TOP2B: variants seen among roughly 807,000 people sequenced by gnomAD.
The protein encoded by TOP2B is DNA topoisomerase 2-beta.
TOP2B carries 51 observed loss-of-function variants against 193.5 expected under a neutral mutation model. The ratio of observed to expected loss-of-function variants is 0.26; its 90% confidence interval spans 0.21 to 0.33. The LOEUF is 0.33. TOP2B is among the 10% of genes least tolerant of loss of function. The pLI, the probability that TOP2B is intolerant of heterozygous loss-of-function variation, is 1.00. For missense variants in TOP2B, 1,378 were observed against 1,909.3 expected (o/e 0.72, Z 5.19); for synonymous variants, 634 against 635.7 (o/e 1.00, Z 0.04).
intron 30 of TOP2B, among the ~76,000 whole-genome samples, chr3:25,608,079 C>T (rs1277175215): frequency 1.3e-5 from 2 of 152,176 alleles, no homozygotes; most frequent in African/African-American, 2.4e-5. Flanking sequence ...GCCACTGTAC[C>T]GACACCTAAA....
chr3:25,630,917 T>G lies in TOP2B; in HGVS notation c.1289A>C (p.Glu430Ala). 1 of 1,595,098 alleles carries G rather than the reference T, an allele frequency of 6.3e-7. No individual in the cohort carries two copies. Among genetic ancestry groups the G allele is most frequent in the Non-Finnish European group, 8.5e-7 (1 of 1,173,162 alleles). Reference sequence around the variant, plus strand: ...AAATTTCACCCAGTTCAGGATACTTTCTACAATGCCACAATTAGAGGCCTA... The same window carrying G: ...AAATTTCACCCAGTTCAGGATACTTGCTACAATGCCACAATTAGAGGCCTA... The part of the protein sequence containing the change: ...FKAASNCGIV[E>A]SILNWVKFKA... Residue 430 changes from glutamate (E) to alanine (A), a missense_variant, in exon 11 of 36, where the codon GAA (glutamate) becomes GCA (alanine). Physicochemically the swap from Glu to Ala is moderately radical, Grantham distance 107 (BLOSUM62 -1). Around this residue, in one of 9 missense-constraint regions of TOP2B, gnomAD observed 222 missense variants for 306.6 expected, o/e 0.72. Transcript: ENST00000264331.
intron 16 of TOP2B, 64 bp from the exon 17 acceptor site, chr3:25,626,928 A>G: frequency 9.8e-7 from 1 of 1,022,490 alleles, no homozygotes; most frequent in South Asian, 1.6e-5. Context: ...ACAAAATTAA[A>G]ATGTATAAGT....
At chr3:25,656,718 A>G (rs1045189341) in intron 1 of TOP2B, among the ~76,000 whole-genome samples, 1 of 152,210 alleles carries the variant, frequency 6.6e-6, no homozygotes, top group Admixed American at 6.5e-5. Context: ...TATGCATAAT[A>G]TATGCATGCA....
chr3:25,601,061 C>A, intron 34 of TOP2B, 39 bp downstream of exon 34: 1 of 1,592,896 alleles, frequency 6.3e-7, no homozygotes, highest in South Asian at 1.1e-5. Context: ...CTTTTCCACA[C>A]AGCATATGTT....
intron 4 of TOP2B, among the ~76,000 whole-genome samples, chr3:25,639,513 G>T (rs1703200473): frequency 6.6e-6 from 1 of 152,130 alleles, no homozygotes; most frequent in East Asian, 1.9e-4. Context: ...TCACCATGTT[G>T]GCCAGGCTGG....
At chr3:25,657,196 T>C (rs1257562753) in intron 1 of TOP2B, among the ~76,000 whole-genome samples, 1 of 152,174 alleles carries the variant, frequency 6.6e-6, no homozygotes, top group Non-Finnish European at 1.5e-5. Context: ...AATAATAGTC[T>C]CTTTCAACTC....
chr3:25,643,376 C>T (rs1703317786), intron 3 of TOP2B, among the ~76,000 whole-genome samples: 1 of 152,134 alleles, frequency 6.6e-6, no homozygotes, highest in Admixed American at 6.6e-5. Flanking sequence ...CCTGTCATCT[C>T]CATATTCAAG....
intron 23 of TOP2B, 126 bp downstream of exon 23, chr3:25,619,736 G>A (rs62235704): frequency 4.7e-6 from 3 of 631,646 alleles, no homozygotes; most frequent in Non-Finnish European, 8.0e-6. Context: ...TCTGCAGGAT[G>A]GGAAAAAAAA....
intron 1 of TOP2B, among the ~76,000 whole-genome samples, chr3:25,647,264 T>A (rs1703437585): frequency 6.6e-6 from 1 of 152,140 alleles, no homozygotes; most frequent in Non-Finnish European, 1.5e-5. Flanking sequence ...TAGAAACGAT[T>A]CTAACAATAA....
chr3:25,599,565 TA>T, intron 34 of TOP2B, 36 bp from the exon 35 acceptor site: 1 of 1,564,368 alleles, frequency 6.4e-7, no homozygotes, highest in Non-Finnish European at 8.7e-7. Flanking sequence ...CTTCCGTGGT[TA>T]AGTGCAATAT....
chr3:25,620,205 G>A (rs1251847893), intron 22 of TOP2B, 143 bp from the exon 23 acceptor site: 1 of 610,448 alleles, frequency 1.6e-6, no homozygotes. Flanking sequence ...TATCCAATCA[G>A]TATAGAAGGC....
chr3:25,628,829 G>A lies in TOP2B; in HGVS notation c.1906+18C>T, dbSNP rs1388723067. ...ATTTATATCAGTATTTAAAATCTAA[G>A]TATTTTAAAATACAAACCTTTATAG... On this transcript the variant is annotated intron_variant, in intron 15 of 35. Transcript: ENST00000264331. 1.5e-6 allele frequency: 2 copies of A among 1,340,458 alleles called. No individual in the cohort carries two copies. The highest frequency in any genetic ancestry group is 1.5e-5 in the African/African-American group (1 of 67,176). 83.0% of individuals were successfully genotyped at this position (1,340,458 alleles called of 1,614,324 possible). A position where few individuals can be genotyped will look rare whatever the true frequency, so the allele number is the denominator to read the frequency against.
chr3:25,598,125 A>AGTAAAAAAGAGCATAAAACTGTAT lies in TOP2B; in HGVS notation c.*158_*181dup. 1 of 553,462 alleles carries AGTAAAAAAGAGCATAAAACTGTAT rather than the reference A, an allele frequency of 1.8e-6. No individual in the cohort carries two copies. Among genetic ancestry groups the AGTAAAAAAGAGCATAAAACTGTAT allele is most frequent in the Non-Finnish European group, 3.0e-6 (1 of 328,394 alleles). The allele number at this position is 553,462 out of a possible 1,614,324, so 34.3% of individuals were successfully genotyped here. Reference sequence around the variant, plus strand: ...TCAGACAGTACGTGACATTTCAATGAGTAAAAAAGAGCATAAAACTGTATG... The same window carrying AGTAAAAAAGAGCATAAAACTGTAT: ...TCAGACAGTACGTGACATTTCAATGAGTAAAAAAGAGCATAAAACTGTATGTAAAAAAGAGCATAAAACTGTATG... On this transcript the variant is annotated 3_prime_UTR_variant, in exon 36 of 36. Transcript: ENST00000264331.
chr3:25,622,084 A>C (rs1702671352), intron 21 of TOP2B, among the ~76,000 whole-genome samples: 1 of 152,168 alleles, frequency 6.6e-6, no homozygotes, highest in Admixed American at 6.5e-5. Flanking sequence ...GTCACTGTTA[A>C]ACTTCAAGCC....
intron 8 of TOP2B, 137 bp downstream of exon 8, chr3:25,633,704 G>T: frequency 4.9e-6 from 3 of 618,402 alleles, no homozygotes; most frequent in Middle Eastern, 4.9e-4. Context: ...ATAGGTTTTT[G>T]TTTTCATAAG....
chr3:25,616,250 A>G (rs1702500350), intron 25 of TOP2B, among the ~76,000 whole-genome samples: 1 of 151,980 alleles, frequency 6.6e-6, no homozygotes. Context: ...ATTTCAAAAT[A>G]CAATGAATTT....
intron 1 of TOP2B, among the ~76,000 whole-genome samples, chr3:25,660,033 A>T (rs993932364): frequency 6.6e-6 from 1 of 152,208 alleles, no homozygotes; most frequent in Non-Finnish European, 1.5e-5. Flanking sequence ...TTTATTTTTT[A>T]AAGTGTACTC....
chr3:25,654,916 TA>T, intron 1 of TOP2B, among the ~76,000 whole-genome samples: 1 of 152,080 alleles, frequency 6.6e-6, no homozygotes, highest in Non-Finnish European at 1.5e-5. Context: ...TAACATAGAT[TA>T]AAGACCTAAA....
intron 1 of TOP2B, among the ~76,000 whole-genome samples, chr3:25,648,107 G>A (rs1304533142): frequency 6.6e-6 from 1 of 152,224 alleles, no homozygotes; most frequent in East Asian, 1.9e-4. Flanking sequence ...GAACAGCTGA[G>A]GGCAGTGCTA....
Sources: allele counts gnomAD v4.1 joint callset (sites outside exome capture counted in the v4.1 genomes callset), GRCh38; gene constraint gnomAD v4.1.1; regional missense constraint gnomAD v4.1.1; transcripts MANE v1.5; gene names NCBI Gene and HGNC (gene_info 2026-07-23, HGNC 2026-07-21).